UNC80: variants seen among roughly 807,000 people sequenced by gnomAD.
UNC80 encodes the protein unc-80 subunit of NALCN channel complex.
In UNC80, 164 loss-of-function variants were observed where a neutral mutation model predicts 384.6. The observed-to-expected ratio is 0.43, with a 90% CI of 0.38 to 0.49. The LOEUF (loss-of-function observed/expected upper bound fraction) is 0.49, where lower values mean the gene tolerates loss of function less well. UNC80 is among the 20% of genes least tolerant of loss of function. UNC80 has a pLI of 0.00. For synonymous variants in UNC80, 1,486 were observed against 1,527.8 expected (o/e 0.97, Z 0.64); for missense variants, 3,330 against 4,143.0 (o/e 0.80, Z 5.39).
intron 20 of UNC80, 71 bp downstream of exon 20, chr2:209,840,719 G>A: frequency 7.9e-7 from 1 of 1,262,874 alleles, no homozygotes; most frequent in South Asian, 1.3e-5. Flanking sequence ...CTGAGAAATA[G>A]CAAACACCTG....
chr2:209,874,242 C>T (rs939955752), intron 23 of UNC80, among the ~76,000 whole-genome samples: 1 of 152,116 alleles, frequency 6.6e-6, no homozygotes, highest in Non-Finnish European at 1.5e-5. Flanking sequence ...CAATGAAATG[C>T]ATATCATGAG....
At chr2:209,952,512 C>T (rs2092232257) in intron 47 of UNC80, among the ~76,000 whole-genome samples, 1 of 152,226 alleles carries the variant, frequency 6.6e-6, no homozygotes. Flanking sequence ...TATGAGGCTA[C>T]TGAAAATCCT....
At chr2:209,862,271 T>G (rs2083396692) in intron 22 of UNC80, among the ~76,000 whole-genome samples, 1 of 152,206 alleles carries the variant, frequency 6.6e-6, no homozygotes. Flanking sequence ...CTTCTTGCTA[T>G]GTGGTGCGGA....
chr2:209,894,022 G>T (rs1303915981), intron 26 of UNC80, 141 bp from the exon 27 acceptor site: 1 of 387,476 alleles, frequency 2.6e-6, no homozygotes, highest in Non-Finnish European at 3.5e-6. Context: ...AGGACTGGGG[G>T]CTTGGGAGAA....
chr2:209,782,392 C>T (rs1354156051), intron 4 of UNC80, among the ~76,000 whole-genome samples: 1 of 152,094 alleles, frequency 6.6e-6, no homozygotes, highest in African/African-American at 2.4e-5. Context: ...CCTCATACCT[C>T]ACTTCTCTTT....
At chr2:209,965,761 CTG>C (rs2092725323) in intron 51 of UNC80, among the ~76,000 whole-genome samples, 1 of 151,848 alleles carries the variant, frequency 6.6e-6, no homozygotes, top group Admixed American at 6.6e-5. Flanking sequence ...TCCTGGGAAA[CTG>C]TATTTTTTCG....
At chr2:209,896,526 A>G (rs576638689) in intron 28 of UNC80, 113 bp downstream of exon 28, 3 of 881,626 alleles carry the variant, frequency 3.4e-6, no homozygotes, top group Non-Finnish European at 3.7e-6. Context: ...CTAGCCTCCA[A>G]GAGAAAGCAG....
chr2:209,972,621 C>T (rs570097176), intron 55 of UNC80, among the ~76,000 whole-genome samples: 127 of 152,256 alleles, frequency 8.3e-4, no homozygotes, highest in African/African-American at 3.0e-3. Flanking sequence ...CGTTGAAGTA[C>T]AATATAAGAA....
chr2:209,867,719 A>G (rs1438667611), intron 22 of UNC80, among the ~76,000 whole-genome samples: 1 of 152,156 alleles, frequency 6.6e-6, no homozygotes, highest in Non-Finnish European at 1.5e-5. Flanking sequence ...CTCTATAGTC[A>G]GCAGAAACCT....
At chr2:209,788,718 G>A (rs982314919) in intron 5 of UNC80, among the ~76,000 whole-genome samples, 1 of 150,648 alleles carries the variant, frequency 6.6e-6, no homozygotes, top group Admixed American at 6.6e-5. Context: ...TTTAAGCTAA[G>A]CCTATTACAA....
intron 51 of UNC80, among the ~76,000 whole-genome samples, chr2:209,966,860 G>C (rs1326773450): frequency 2.6e-5 from 4 of 152,190 alleles, no homozygotes. Context: ...GATAACAAGA[G>C]AGGAGGAGGC....
At position 209,777,407 on chromosome 2, in the gene UNC80, C is replaced by G. The variant is rs201833017; in HGVS notation, c.448C>G (p.His150Asp). 6.2e-7 allele frequency: 1 copy of G among 1,614,176 alleles called. No homozygotes were observed. Among genetic ancestry groups the G allele is most frequent in the Non-Finnish European group, 8.5e-7 (1 of 1,180,036 alleles). The change falls in exon 4 of 65, where the codon CAC becomes GAC. Residue 150 changes from histidine to aspartate, a missense_variant. By Grantham distance (81) the His-to-Asp change is moderately conservative. This residue lies in a region of UNC80 where 937 missense variants were observed against 1,026.8 expected (regional missense o/e 0.91). Coordinates refer to ENST00000673920, the MANE Select transcript of UNC80 (RefSeq NM_001371986.1). ...GGGTGGAAGCAGCAGTGCTTTCATC[C>G]ACCAGGTTGAAAACCAGGGTTCTCC... The part of the protein sequence containing the change: ...SWGGSSSAFI[H>D]QVENQGSPGQ...
chr2:209,971,993 T>G (rs1481585480), intron 54 of UNC80, among the ~76,000 whole-genome samples: 2 of 152,236 alleles, frequency 1.3e-5, no homozygotes, highest in Non-Finnish European at 2.9e-5. Context: ...TGTTACTATC[T>G]TTTTAGGTGT....
intron 47 of UNC80, among the ~76,000 whole-genome samples, chr2:209,948,872 C>T (rs565356048): frequency 1.3e-5 from 2 of 152,076 alleles, no homozygotes; most frequent in African/African-American, 4.8e-5. Flanking sequence ...AAGGAGTCTG[C>T]CTTCTATTCT....
At chr2:209,786,376 T>C (rs549733685) in intron 5 of UNC80, among the ~76,000 whole-genome samples, 187 bp downstream of exon 5, 49 of 152,326 alleles carry the variant, frequency 3.2e-4, no homozygotes, top group African/African-American at 1.1e-3. Context: ...AGCATGGACT[T>C]TGGGCAATTC....
intron 7 of UNC80, chr2:209,809,499 C>T: frequency 1.6e-6 from 2 of 1,216,554 alleles, no homozygotes; most frequent in Non-Finnish European, 2.4e-6. Flanking sequence ...AGTACCAGTG[C>T]CAGGCGTGCG....
chr2:209,869,907 T>C (rs2084150783), intron 22 of UNC80, among the ~76,000 whole-genome samples: 1 of 152,290 alleles, frequency 6.6e-6, no homozygotes, highest in Middle Eastern at 3.4e-3. Flanking sequence ...TTGGTTTTGA[T>C]TCAAAAATGC....
At position 209,917,786 on chromosome 2, in the gene UNC80, T is replaced by C. The variant is rs1256867970; in HGVS notation, c.5039T>C (p.Phe1680Ser). Residue 1680 changes from phenylalanine (F) to serine (S), a missense_variant, in exon 32 of 65, where the codon TTC becomes TCC. Phe to Ser is a radical substitution (Grantham distance 155, BLOSUM62 -2). Coordinates refer to ENST00000673920, the MANE Select transcript of UNC80 (RefSeq NM_001371986.1). Reference sequence around the variant, plus strand: ...TGTTGACTGTCTCTAGCTGCCATGTTCCTGCTGTGTGCAGTGAAGGTGCCT... The same window carrying C: ...TGTTGACTGTCTCTAGCTGCCATGTCCCTGCTGTGTGCAGTGAAGGTGCCT... ...EHMAGAAAAM[F>S]LLCAVKVPEA... The C allele has an allele frequency of 1.3e-6, 2 of 1,552,032 alleles. No individual in the cohort carries two copies. Among genetic ancestry groups the C allele is most frequent in the South Asian group, 1.2e-5 (1 of 84,064 alleles).
At chr2:209,954,727 T>A (rs1233555400) in intron 48 of UNC80, among the ~76,000 whole-genome samples, 1 of 152,254 alleles carries the variant, frequency 6.6e-6, no homozygotes, top group Non-Finnish European at 1.5e-5. Flanking sequence ...TGTTTTTAAC[T>A]ATAATTTCAG....
Sources: gnomAD v4.1 joint callset for allele counts (sites outside exome capture counted in the v4.1 genomes callset) on GRCh38, gnomAD v4.1.1 for gene constraint, gnomAD v4.1.1 regional missense constraint, MANE v1.5 for transcripts, NCBI Gene and HGNC (gene_info 2026-07-23, HGNC 2026-07-21) for gene names.